The following EIPR1 variants were observed in gnomAD, a reference collection of about 807,000 sequenced individuals.
EIPR1 encodes EARP and GARP complex-interacting protein 1.
In EIPR1, 25 loss-of-function variants were observed where a neutral mutation model predicts 48.1. That is an observed-to-expected ratio of 0.52 (90% CI 0.38 to 0.73). EIPR1 has a LOEUF of 0.73. Among genes scored for constraint, EIPR1 ranks in the 30% least tolerant of loss-of-function variants. The probability of loss-of-function intolerance (pLI) is 0.00; values close to 1 mark genes in which losing one functional copy is unlikely to be tolerated. For missense variants in EIPR1, 415 were observed against 506.2 expected (o/e 0.82, Z 1.73); for synonymous variants, 204 against 201.9 (o/e 1.01, Z -0.09).
intron 7 of EIPR1, 113 bp downstream of exon 7, chr2:3,193,882 TTGAA>T (rs1664697259): frequency 1.8e-6 from 2 of 1,104,604 alleles, no homozygotes; most frequent in Admixed American, 5.5e-5. Context: ...ACTGGGTTGA[TTGAA>T]TGATTCACAG....
intron 3 of EIPR1, among the ~76,000 whole-genome samples, chr2:3,322,083 C>T (rs1267415820): frequency 6.6e-6 from 1 of 152,250 alleles, no homozygotes; most frequent in Non-Finnish European, 1.5e-5. Context: ...GCATATTCCA[C>T]TGTCGGATCA....
chr2:3,207,583 C>T (rs185926672), intron 5 of EIPR1, among the ~76,000 whole-genome samples: 2 of 152,352 alleles, frequency 1.3e-5, no homozygotes, highest in Admixed American at 6.5e-5. Context: ...GGCCCTTGGA[C>T]ATGGCAGGCA....
chr2:3,353,673 A>C (rs1670645536), intron 2 of EIPR1, among the ~76,000 whole-genome samples: 1 of 152,228 alleles, frequency 6.6e-6, no homozygotes, highest in South Asian at 2.1e-4. Context: ...GGATACAGGA[A>C]TTACAGATTA....
At chr2:3,328,172 G>C (rs768766330) in intron 3 of EIPR1, among the ~76,000 whole-genome samples, 1 of 152,180 alleles carries the variant, frequency 6.6e-6, no homozygotes, top group Non-Finnish European at 1.5e-5. Flanking sequence ...CCAAACATCC[G>C]TGCTCACACC....
At chr2:3,292,553 T>C (rs948195271) in intron 3 of EIPR1, among the ~76,000 whole-genome samples, 1 of 152,218 alleles carries the variant, frequency 6.6e-6, no homozygotes, top group Admixed American at 6.5e-5. Flanking sequence ...TAGGTGCTGC[T>C]GTCCCTCTTT....
chr2:3,242,113 C>T (rs565831741), intron 4 of EIPR1, among the ~76,000 whole-genome samples: 10 of 152,320 alleles, frequency 6.6e-5, no homozygotes, highest in African/African-American at 1.9e-4. Flanking sequence ...CTCGACACCA[C>T]GGACCAGGCA....
At chr2:3,266,121 C>T (rs1160663165) in intron 3 of EIPR1, among the ~76,000 whole-genome samples, 1 of 152,192 alleles carries the variant, frequency 6.6e-6, no homozygotes, top group Admixed American at 6.6e-5. Flanking sequence ...AGGCAAAAGG[C>T]TTACAGGAAT....
intron 5 of EIPR1, among the ~76,000 whole-genome samples, chr2:3,199,957 G>C (rs1296301377): frequency 7.0e-6 from 1 of 143,716 alleles, no homozygotes; most frequent in African/African-American, 2.6e-5. Flanking sequence ...GCATTGGGGG[G>C]TGTGTCCACA....
At position 3,233,554 on chromosome 2, in the gene EIPR1, C is replaced by T. The variant is rs143539280; in HGVS notation, c.417-19306G>A. ...TCCCAGCCGTAACTGTGATAATGAC[C>T]GTGCTGATCCCTTCCCCAAGCCAAC... On this transcript the variant is annotated intron_variant, in intron 4 of 8. Coordinates refer to ENST00000382125, the MANE Select transcript of EIPR1 (RefSeq NM_003310.5). Among the ~76,000 whole-genome samples the T allele has an allele frequency of 2.9e-3, 449 of 152,260 alleles. 3 individuals carry two copies. The highest frequency in any genetic ancestry group is 0.01 in the Middle Eastern group (3 of 294).
intron 4 of EIPR1, among the ~76,000 whole-genome samples, chr2:3,223,412 T>C (rs2103152445): frequency 6.6e-6 from 1 of 152,308 alleles, no homozygotes; most frequent in Non-Finnish European, 1.5e-5. Flanking sequence ...AGCAGCCAGC[T>C]CAGGCTGTGA....
chr2:3,246,821 GAGGA>G (rs1363486928), intron 4 of EIPR1, among the ~76,000 whole-genome samples: 365 of 33,568 alleles, frequency 0.011, 9 homozygotes, highest in East Asian at 0.019. Context: ...GGGAGGGAGG[GAGGA>G]AGGGAGGGAA....
chr2:3,303,586 A>T (rs1668822733), intron 3 of EIPR1, among the ~76,000 whole-genome samples: 1 of 152,244 alleles, frequency 6.6e-6, no homozygotes. Flanking sequence ...ACTGGAAAAT[A>T]GATTTCTTAT....
intron 2 of EIPR1, among the ~76,000 whole-genome samples, chr2:3,350,693 T>C (rs1406798435): frequency 6.6e-6 from 1 of 152,100 alleles, no homozygotes; most frequent in East Asian, 1.9e-4. Flanking sequence ...TCACATGCCT[T>C]TACCAGAAAC....
intron 4 of EIPR1, among the ~76,000 whole-genome samples, chr2:3,236,953 A>G (rs1666422393): frequency 6.6e-6 from 1 of 152,176 alleles, no homozygotes; most frequent in Non-Finnish European, 1.5e-5. Flanking sequence ...GTACCTTCAA[A>G]GCTGCTGACT....
intron 3 of EIPR1, 96 bp from the exon 4 acceptor site, chr2:3,257,551 C>T (rs1045574457): frequency 6.3e-6 from 9 of 1,429,554 alleles, no homozygotes; most frequent in African/African-American, 4.2e-5. Flanking sequence ...CCATAAGCAG[C>T]GCGCATCTGC....
chr2:3,360,765 G>A (rs1438439134), intron 1 of EIPR1, among the ~76,000 whole-genome samples: 1 of 152,188 alleles, frequency 6.6e-6, no homozygotes, highest in Non-Finnish European at 1.5e-5. Flanking sequence ...AGGGCAGGTG[G>A]AGAGGGGCTT....
At chr2:3,313,731 G>T (rs1029960894) in intron 3 of EIPR1, among the ~76,000 whole-genome samples, 1 of 152,192 alleles carries the variant, frequency 6.6e-6, no homozygotes, top group African/African-American at 2.4e-5. Context: ...GTAAGTGTTT[G>T]GATCTGGGTT....
rs190847623 is a variant in EIPR1, at chr2:3,224,145, C to G, written c.417-9897G>C. 1.4e-4 allele frequency among the ~76,000 whole-genome samples: 22 copies of G among 152,258 alleles called. 1 individual carries two copies. Among genetic ancestry groups the G allele is most frequent in the African/African-American group, 5.3e-4 (22 of 41,534 alleles). On this transcript the variant is annotated intron_variant, in intron 4 of 8. Transcript: ENST00000382125. ...ACCGCCTGCCTGATTCCCGCCTTAC[C>G]GGCTAAACTTGTCTCCCTGTAGTCT...
At chr2:3,328,537 G>A (rs71444246) in intron 3 of EIPR1, among the ~76,000 whole-genome samples, 18 of 123,968 alleles carry the variant, frequency 1.5e-4, no homozygotes, top group Middle Eastern at 7.0e-3. Flanking sequence ...CACCCACCAC[G>A]CTCTAATGAT....
Sources: allele counts gnomAD v4.1 joint callset (sites outside exome capture counted in the v4.1 genomes callset), GRCh38; gene constraint gnomAD v4.1.1; transcripts MANE v1.5; gene names NCBI Gene and HGNC (gene_info 2026-07-23, HGNC 2026-07-21).